SEMA3A: variants seen among roughly 807,000 people sequenced by gnomAD.
SEMA3A encodes the protein semaphorin-3A.
Under a neutral mutation model 97.9 loss-of-function variants are expected in SEMA3A, and 29 were observed. The ratio of observed to expected loss-of-function variants is 0.30; its 90% confidence interval spans 0.22 to 0.40. The LOEUF (loss-of-function observed/expected upper bound fraction) is 0.40. Ranked by LOEUF, SEMA3A falls within the 10% of genes least tolerant of loss-of-function variation. SEMA3A has a pLI of 1.00. For synonymous variants in SEMA3A, 321 were observed against 323.7 expected, an observed-to-expected ratio of 0.99 and a Z score of 0.09; for missense variants, 763 against 951.3, an observed-to-expected ratio of 0.80 and a Z score of 2.60.
At chr7:84,071,137 T>A (rs1793724478) in intron 4 of SEMA3A, among the ~76,000 whole-genome samples, 1 of 152,148 alleles carries the variant, frequency 6.6e-6, no homozygotes, top group South Asian at 2.1e-4. Context: ...GGTTATTTAA[T>A]TTAAACTAAT....
chr7:84,430,016 C>T (rs1804939087), intron 1 of SEMA3A, among the ~76,000 whole-genome samples: 1 of 151,874 alleles, frequency 6.6e-6, no homozygotes, highest in African/African-American at 2.4e-5. Context: ...CATTTATCTT[C>T]AAACTAAGTA....
At chr7:84,160,955 G>A (rs1314855712) in intron 1 of SEMA3A, among the ~76,000 whole-genome samples, 2 of 152,130 alleles carry the variant, frequency 1.3e-5, no homozygotes, top group African/African-American at 4.8e-5. Context: ...TTGATAGGAA[G>A]ACAGGACCCT....
chr7:84,385,404 GT>G (rs1254198943), intron 1 of SEMA3A, among the ~76,000 whole-genome samples: 4 of 152,136 alleles, frequency 2.6e-5, no homozygotes, highest in Non-Finnish European at 4.4e-5. Flanking sequence ...AGTCCAAGGA[GT>G]TTTCCCAGTT....
chr7:84,445,002 T>G (rs1310979975), intron 1 of SEMA3A, among the ~76,000 whole-genome samples: 3 of 152,230 alleles, frequency 2.0e-5, no homozygotes, highest in African/African-American at 7.2e-5. Flanking sequence ...GTTGCTCTGA[T>G]AGAGGCTCTT....
intron 13 of SEMA3A, among the ~76,000 whole-genome samples, chr7:83,982,826 A>G (rs746469725): frequency 6.6e-6 from 1 of 152,112 alleles, no homozygotes; most frequent in African/African-American, 2.4e-5. Context: ...AGACTGAAGT[A>G]CCTATGAGAA....
intron 6 of SEMA3A, among the ~76,000 whole-genome samples, chr7:84,016,920 A>T (rs1791128104): frequency 6.6e-6 from 1 of 152,230 alleles, no homozygotes; most frequent in African/African-American, 2.4e-5. Context: ...ATACTGGAAC[A>T]ATGGAGGGAG....
chr7:84,467,282 G>A (rs938418725), intron 1 of SEMA3A, among the ~76,000 whole-genome samples: 4 of 152,078 alleles, frequency 2.6e-5, no homozygotes, highest in Admixed American at 2.6e-4. Flanking sequence ...CAGCACTTTG[G>A]AAGGCTGAGG....
Position 84,060,455 on chromosome 7 carries a change from G to C in SEMA3A, c.547+10C>G. On this transcript the variant is annotated intron_variant, in intron 5 of 16. Coordinates refer to ENST00000265362, the MANE Select transcript of SEMA3A (RefSeq NM_006080.3). ...AAAACTCACTATTTAATTGATTGTT[G>C]ACTACGCACCTATTAAAAGGGATGC... 2.0e-6 allele frequency: 3 copies of C among 1,532,976 alleles called. No homozygotes were observed. The highest frequency in any genetic ancestry group is 2.6e-6 in the Non-Finnish European group (3 of 1,134,564). 95.0% of individuals were successfully genotyped at this position (1,532,976 alleles called of 1,614,324 possible).
intron 3 of SEMA3A, among the ~76,000 whole-genome samples, chr7:84,214,857 C>A (rs1349368192): frequency 6.6e-6 from 1 of 151,672 alleles, no homozygotes; most frequent in Non-Finnish European, 1.5e-5. Context: ...TGCTACCACA[C>A]CCAGCTAATT....
intron 2 of SEMA3A, among the ~76,000 whole-genome samples, chr7:84,323,779 C>T (rs1269556459): frequency 6.6e-6 from 1 of 152,044 alleles, no homozygotes; most frequent in African/African-American, 2.4e-5. Flanking sequence ...TTATGCAACA[C>T]AGGCTAAGAA....
At chr7:83,965,271 TAGG>T (rs1788626164) in intron 15 of SEMA3A, among the ~76,000 whole-genome samples, 1 of 151,894 alleles carries the variant, frequency 6.6e-6, no homozygotes, top group African/African-American at 2.4e-5. Context: ...GAAATACTTT[TAGG>T]AGGAGACCTT....
intron 2 of SEMA3A, among the ~76,000 whole-genome samples, chr7:84,130,123 T>C (rs1275688024): frequency 1.3e-5 from 2 of 152,072 alleles, no homozygotes; most frequent in Middle Eastern, 3.2e-3. Context: ...TTTCTAGTAA[T>C]ATTATGAATA....
chr7:84,425,807 C>T (rs1488900900), intron 1 of SEMA3A, among the ~76,000 whole-genome samples: 1 of 147,024 alleles, frequency 6.8e-6, no homozygotes, highest in Non-Finnish European at 1.5e-5. Flanking sequence ...CCCGTCTTTG[C>T]TAAAAATACA....
chr7:84,002,106 T>TAATG (rs981992884), intron 11 of SEMA3A, 60 bp from the exon 12 acceptor site: 1 of 909,070 alleles, frequency 1.1e-6, no homozygotes, highest in African/African-American at 1.7e-5. Flanking sequence ...AGATTAGTGT[T>TAATG]AATGAATGAA....
chr7:84,202,598 T>C (rs538676679), intron 3 of SEMA3A, among the ~76,000 whole-genome samples: 25 of 152,324 alleles, frequency 1.6e-4, no homozygotes, highest in African/African-American at 5.8e-4. Flanking sequence ...GCGCACTTAA[T>C]TTGTTTCCAG....
intron 1 of SEMA3A, among the ~76,000 whole-genome samples, chr7:84,382,064 A>G (rs1180477676): frequency 1.3e-5 from 2 of 152,158 alleles, no homozygotes; most frequent in East Asian, 1.9e-4. Flanking sequence ...AGAAAGTTGT[A>G]AAAATTTTTA....
chr7:84,038,250 G>A (rs1052345112), intron 6 of SEMA3A, among the ~76,000 whole-genome samples: 2 of 151,930 alleles, frequency 1.3e-5, no homozygotes, highest in African/African-American at 4.8e-5. Context: ...ATCTGGTCTT[G>A]TTTTCCCTAC....
intron 1 of SEMA3A, 86 bp from the exon 2 acceptor site, chr7:84,135,037 T>C: frequency 9.8e-7 from 1 of 1,022,858 alleles, no homozygotes; most frequent in Non-Finnish European, 1.5e-6. Flanking sequence ...CCTGACTATA[T>C]TGACTGCTGT....
intron 6 of SEMA3A, among the ~76,000 whole-genome samples, chr7:84,020,543 T>C (rs948104811): frequency 6.6e-6 from 1 of 152,038 alleles, no homozygotes; most frequent in Non-Finnish European, 1.5e-5. Flanking sequence ...ATAAGAAATA[T>C]CTTAAGTAAT....
Sources: gnomAD v4.1 joint callset for allele counts (sites outside exome capture counted in the v4.1 genomes callset) on GRCh38, gnomAD v4.1.1 for gene constraint, MANE v1.5 for transcripts, NCBI Gene and HGNC (gene_info 2026-07-23, HGNC 2026-07-21) for gene names.